CDK10: variants seen among roughly 807,000 people sequenced by gnomAD.
The protein encoded by CDK10 is cyclin-dependent kinase 10.
A neutral mutation model predicts 51.0 loss-of-function variants in CDK10; 55 were observed. The observed-to-expected ratio is 1.08, with a 90% CI of 0.87 to 1.35. The LOEUF (loss-of-function observed/expected upper bound fraction) is 1.35, where lower values mean the gene tolerates loss of function less well. Among genes scored for constraint, CDK10 ranks in the 40% most tolerant of loss-of-function variants. The probability of loss-of-function intolerance (pLI) is 0.00; values close to 1 mark genes in which losing one functional copy is unlikely to be tolerated. For synonymous variants in CDK10, 255 were observed against 199.1 expected (o/e 1.28, Z -2.36); for missense variants, 589 against 485.1 (o/e 1.21, Z -2.01).
Position 89,695,728 on chromosome 16 carries a change from G to A in CDK10, c.*36G>A, listed in dbSNP as rs146732625. On this transcript the variant is annotated 3_prime_UTR_variant, in exon 13 of 13. Transcript: ENST00000353379. ...GGCACACGCCTGTATTCCCACACCA[G>A]GTCTTCCGATCAGTGGTGTCTGTGA... is the stretch of plus-strand genomic sequence containing the variant. 91 of 1,591,142 alleles carry A rather than the reference G, an allele frequency of 5.7e-5. No homozygotes were observed. The African/African-American group carries it at 1.1e-3, about 19-fold the overall frequency.
chr16:89,686,985 C>A (rs1165920931), intron 1 of CDK10, 188 bp downstream of exon 1: 2 of 525,040 alleles, frequency 3.8e-6, no homozygotes, highest in Non-Finnish European at 3.3e-6. Context: ...GACAGCCGGT[C>A]CCTGGAGATC....
intron 1 of CDK10, chr16:89,687,210 G>A (rs2060233309): frequency 3.2e-6 from 1 of 311,438 alleles, no homozygotes. Context: ...TGGGCTGCAT[G>A]GAGCGGGGTC....
In CDK10 at chr16:89,692,431, C is replaced by T. The variant is rs772405712; in HGVS notation, c.418-18C>T. On this transcript the variant is annotated intron_variant, in intron 5 of 12. Coordinates refer to ENST00000353379, the MANE Select transcript of CDK10 (RefSeq NM_052988.5). The stretch of plus-strand genomic sequence containing the variant: ...CCTGCAGGCTCACCCTGACTGGTAC[C>T]TCTGACCCTCTGCACAGGTCAAGTG... 4 of 1,538,862 alleles carry T rather than the reference C, an allele frequency of 2.6e-6. No individual in the cohort carries two copies. The highest frequency in any genetic ancestry group is 2.0e-5 in the Admixed American group (1 of 48,960).
chr16:89,695,549 T>C (rs2060683042), intron 12 of CDK10, 46 bp from the exon 13 acceptor site: 2 of 1,570,456 alleles, frequency 1.3e-6, no homozygotes, highest in African/African-American at 1.4e-5. Flanking sequence ...CTGCTCCTCC[T>C]ATCTGGGGCC....
chr16:89,693,098 A>G (rs1458917987), intron 6 of CDK10, among the ~76,000 whole-genome samples, 176 bp from the exon 7 acceptor site: 2 of 150,910 alleles, frequency 1.3e-5, no homozygotes, highest in Non-Finnish European at 3.0e-5. Flanking sequence ...GGATTGCTCC[A>G]CTGCACTCCA....
rs2060712177 is a variant in CDK10 at position 89,696,187 on chromosome 16, G to T, written c.*495G>T. ...TCCAGATGAGGACAAGAGGGACAAG[G>T]TATGGGGTGGGAGCCACAATTGAGG... is the stretch of plus-strand genomic sequence containing the variant. On this transcript the variant is annotated 3_prime_UTR_variant, in exon 13 of 13. Transcript: ENST00000353379. 6.1e-6 allele frequency: 2 copies of T among 328,554 alleles called. No individual in the cohort carries two copies. The highest frequency in any genetic ancestry group is 4.2e-5 in the African/African-American group (2 of 47,342). 20.4% of individuals were successfully genotyped at this position (328,554 alleles called of 1,614,324 possible).
In CDK10 at chr16:89,695,774, G is replaced by A. The variant is rs374856571; in HGVS notation, c.*82G>A. ...TGTGAAGGGTGCCGCGAGCCAGGCTGACCAGGCGCCCGGGATCCAGCTCAT... is the reference window on the plus strand; with the variant it reads ...TGTGAAGGGTGCCGCGAGCCAGGCTAACCAGGCGCCCGGGATCCAGCTCAT... On this transcript the variant is annotated 3_prime_UTR_variant, in exon 13 of 13. Transcript: ENST00000353379. 8.5e-4 allele frequency: 1,343 copies of A among 1,582,924 alleles called. No individual in the cohort carries two copies. Among genetic ancestry groups the A allele is most frequent in the Middle Eastern group, 2.8e-3 (17 of 6,032 alleles).
chr16:89,690,380 A>G (rs1241055044), intron 2 of CDK10, 173 bp from the exon 3 acceptor site: 38 of 624,248 alleles, frequency 6.1e-5, no homozygotes, highest in South Asian at 5.7e-4. Flanking sequence ...CTCCGGGGGA[A>G]CGCGTCTCGG....
chr16:89,692,875 C>T (rs1011309764), intron 6 of CDK10, among the ~76,000 whole-genome samples: 3 of 133,270 alleles, frequency 2.3e-5, no homozygotes, highest in Middle Eastern at 3.4e-3. Context: ...CAGTGGCTCA[C>T]GCCTGTGATC....
intron 6 of CDK10, among the ~76,000 whole-genome samples, chr16:89,692,939 C>A (rs1041310041): frequency 6.6e-6 from 1 of 151,986 alleles, no homozygotes; most frequent in Non-Finnish European, 1.5e-5. Flanking sequence ...AGATCGAGAC[C>A]ATCCTTGTTA....
Position 89,695,864 on chromosome 16 carries a change from C to T in CDK10, c.*172C>T, listed in dbSNP as rs1164023120. 6.8e-7 allele frequency: 1 copy of T among 1,469,546 alleles called. No individual in the cohort carries two copies. Among genetic ancestry groups the T allele is most frequent in the East Asian group, 2.5e-5 (1 of 40,506 alleles). 91.0% of individuals were successfully genotyped at this position (1,469,546 alleles called of 1,614,324 possible). A position where few individuals can be genotyped will look rare whatever the true frequency, so the allele number is the denominator to read the frequency against. On this transcript the variant is annotated 3_prime_UTR_variant, in exon 13 of 13. Transcript: ENST00000353379. ...TGTCTGCCCTGAACCCACTGCTGCC[C>T]CCAGAAAAAGGCCGGGTGACACCGG...
At chr16:89,687,966 A>G (rs1413869631) in intron 1 of CDK10, among the ~76,000 whole-genome samples, 1 of 151,862 alleles carries the variant, frequency 6.6e-6, no homozygotes, top group East Asian at 1.9e-4. Context: ...AATCTCAGCA[A>G]TCTGGGAGGC....
rs1357951476 is a variant in CDK10, at chr16:89,695,880, G to A, written c.*188G>A. On this transcript the variant is annotated 3_prime_UTR_variant, in exon 13 of 13. Transcript: ENST00000353379. ...ACTGCTGCCCCCAGAAAAAGGCCGG[G>A]TGACACCGGGGGGCTCCCAGCCCGT... The A allele has an allele frequency of 2.9e-6, 4 of 1,361,976 alleles. No homozygotes were observed. The African/African-American group carries it at 4.3e-5, about 15-fold the overall frequency. The allele number at this position is 1,361,976 out of a possible 1,614,324, so 84.4% of individuals were successfully genotyped here. A position where few individuals can be genotyped will look rare whatever the true frequency, so the allele number is the denominator to read the frequency against.
At chr16:89,686,841 G>T (rs371479411) in intron 1 of CDK10, 44 bp downstream of exon 1, 5 of 1,527,256 alleles carry the variant, frequency 3.3e-6, no homozygotes, top group Non-Finnish European at 2.7e-6. Context: ...CCTCGCTAGC[G>T]GCACTGCCCG....
chr16:89,687,175 C>T (rs1207513831), intron 1 of CDK10: 4 of 224,444 alleles, frequency 1.8e-5, no homozygotes, highest in Non-Finnish European at 3.7e-5. Context: ...GCGACGAGTT[C>T]GAGCTTGAAG....
chr16:89,689,614 AG>A (rs970615415), intron 2 of CDK10: 8 of 381,276 alleles, frequency 2.1e-5, no homozygotes, highest in Non-Finnish European at 3.9e-5. Flanking sequence ...CAGAAGCAGC[AG>A]GAGCTGGACA....
At chr16:89,693,723 G>A (rs534266906) in intron 8 of CDK10, 7 of 575,114 alleles carry the variant, frequency 1.2e-5, no homozygotes, top group African/African-American at 3.7e-5. Context: ...TGGAAACACC[G>A]TGGCCGTGAA....
chr16:89,690,374 G>C (rs900197925), intron 2 of CDK10, 179 bp from the exon 3 acceptor site: 1 of 577,386 alleles, frequency 1.7e-6, no homozygotes. Flanking sequence ...GAAACCCTCC[G>C]GGGGAACGCG....
At position 89,695,276 on chromosome 16, in the gene CDK10, C is replaced by A. The variant is rs533029140; in HGVS notation, c.933-17C>A. The A allele has an allele frequency of 1.2e-6, 2 of 1,605,682 alleles. No individual in the cohort carries two copies. The highest frequency in any genetic ancestry group is 2.7e-5 in the African/African-American group (2 of 74,788). On this transcript the variant is annotated splice_polypyrimidine_tract_variant and intron_variant, in intron 11 of 12. Transcript: ENST00000353379. ...GCCGCACTCACAAGTCGCACTAACG[C>A]AGGCTGCCTCCTCCAGGGCGACGGC...
Sources: gnomAD v4.1 joint callset for allele counts (sites outside exome capture counted in the v4.1 genomes callset) on GRCh38, gnomAD v4.1.1 for gene constraint, MANE v1.5 for transcripts, NCBI Gene and HGNC (gene_info 2026-07-23, HGNC 2026-07-21) for gene names.